NCOR2: variants seen among roughly 807,000 people sequenced by gnomAD.
NCOR2 encodes the protein CTG repeat protein 26.
NCOR2 carries 81 observed loss-of-function variants against 262.9 expected under a neutral mutation model. The observed-to-expected ratio is 0.31, with a 90% CI of 0.26 to 0.37. The LOEUF (loss-of-function observed/expected upper bound fraction) is 0.37. NCOR2 is among the 10% of genes least tolerant of loss of function. The pLI is 1.00. For missense variants in NCOR2, 3,385 were observed against 3,621.4 expected, an observed-to-expected ratio of 0.93 and a Z score of 1.68; for synonymous variants, 1,659 against 1,559.3, an observed-to-expected ratio of 1.06 and a Z score of -1.51.
At chr12:124,332,153 G>T in intron 43 of NCOR2, 166 bp downstream of exon 45, 2 of 784,074 alleles carry the variant, frequency 2.6e-6, no homozygotes, top group East Asian at 2.7e-5. Flanking sequence ...CTGCCCTGGG[G>T]CTCCCCAAAT....
chr12:124,449,034 C>A (rs537233825), intron 7 of NCOR2, among the ~76,000 whole-genome samples: 1 of 152,332 alleles, frequency 6.6e-6, no homozygotes, highest in African/African-American at 2.4e-5. Flanking sequence ...GCCCCTTTTA[C>A]CTTTTGGGTT....
intron 17 of NCOR2, among the ~76,000 whole-genome samples, chr12:124,380,560 G>C (rs1416881230): frequency 2.0e-5 from 3 of 152,228 alleles, no homozygotes; most frequent in African/African-American, 7.2e-5. Context: ...GGCGGCCTGA[G>C]AAAGTGGTGG....
intron 41 of NCOR2, among the ~76,000 whole-genome samples, chr12:124,334,028 G>GT (rs1593094229): frequency 1.3e-5 from 2 of 150,458 alleles, no homozygotes; most frequent in Admixed American, 6.6e-5. Context: ...GTGCATGTGT[G>GT]GAAAGGCTGC....
chr12:124,378,647 A>T lies in NCOR2; in HGVS notation c.2020-263T>A, dbSNP rs1262655401. Among the ~76,000 whole-genome samples the T allele has an allele frequency of 1.3e-5, 2 of 152,154 alleles. No homozygotes were observed. The highest frequency in any genetic ancestry group is 4.8e-5 in the African/African-American group (2 of 41,432). ...AGCCACCCTGACATCCTTCCTGAGC[A>T]CGAGAGAACCTGCCTGACATTGCCC... is the stretch of plus-strand genomic sequence containing the variant. On this transcript the variant is annotated intron_variant, in intron 17 of 46. Coordinates refer to ENST00000405201, the Ensembl canonical transcript of NCOR2. This position sits in a 1 kb window ranked among gnomAD's most constrained non-coding sequence, Gnocchi z 4.2.
chr12:124,439,239 A>T (rs2044644384), intron 7 of NCOR2, among the ~76,000 whole-genome samples: 1 of 89,562 alleles, frequency 1.1e-5, no homozygotes, highest in Non-Finnish European at 2.5e-5. Flanking sequence ...ACAGAGGGAG[A>T]CAGAGACCCA....
chr12:124,544,018 CAG>C (rs2051463354), intron 1 of NCOR2, among the ~76,000 whole-genome samples: 1 of 152,202 alleles, frequency 6.6e-6, no homozygotes, highest in African/African-American at 2.4e-5. Flanking sequence ...AAAGCCCTCC[CAG>C]AGAGTTCCCA....
At chr12:124,414,058 T>C (rs1189413948) in intron 13 of NCOR2, among the ~76,000 whole-genome samples, 1 of 151,982 alleles carries the variant, frequency 6.6e-6, no homozygotes, top group Non-Finnish European at 1.5e-5. Context: ...TGAGCCCCTC[T>C]GCCGCCTGCC....
In NCOR2 at chr12:124,504,062, G is replaced by A. The variant is rs1250727727; in HGVS notation, c.-117-8694C>T. 1.3e-5 allele frequency among the ~76,000 whole-genome samples: 2 copies of A among 152,170 alleles called. No homozygotes were observed. The highest frequency in any genetic ancestry group is 2.1e-4 in the South Asian group (1 of 4,830). On this transcript the variant is annotated intron_variant, in intron 1 of 46. Coordinates refer to the NCOR2 transcript ENST00000404621. This position sits in a 1 kb window ranked among gnomAD's most constrained non-coding sequence, Gnocchi z 4.5. ...CTCCAGTCCCAAACCCAGACTCAGCGTGGGAGGGTCTCAACTCTCCCGAGT... is the reference window on the plus strand; with the variant it reads ...CTCCAGTCCCAAACCCAGACTCAGCATGGGAGGGTCTCAACTCTCCCGAGT...
intron 1 of NCOR2, among the ~76,000 whole-genome samples, chr12:124,516,397 G>A (rs894580207): frequency 9.2e-5 from 14 of 152,194 alleles, no homozygotes; most frequent in African/African-American, 3.4e-4. Flanking sequence ...GGAGACCTGG[G>A]GATCCCAAAC....
chr12:124,383,459 A>T, intron 17 of NCOR2: 1 of 871,222 alleles, frequency 1.1e-6, no homozygotes. Context: ...GGGTGCCTTA[A>T]GCATGGCCCG....
chr12:124,331,107 G>A (rs1210197470), intron 43 of NCOR2, among the ~76,000 whole-genome samples: 1 of 149,264 alleles, frequency 6.7e-6, no homozygotes, highest in Non-Finnish European at 1.5e-5. Flanking sequence ...CTGTTGCCCA[G>A]GCTGGAGTGC....
At chr12:124,522,339 C>T (rs1476514414) in intron 1 of NCOR2, among the ~76,000 whole-genome samples, 1 of 152,212 alleles carries the variant, frequency 6.6e-6, no homozygotes, top group Non-Finnish European at 1.5e-5. Context: ...CTGAAACCAG[C>T]GACCTATCCT....
Position 124,380,677 on chromosome 12 carries a change from G to A in NCOR2, c.2020-2293C>T, listed in dbSNP as rs552793104. Reference sequence around the variant, plus strand: ...CAGGGCTGGGTGCCCTGAGCTGCCCGGGCGGTGGCTGGGACATGGGAGATG... The same window carrying A: ...CAGGGCTGGGTGCCCTGAGCTGCCCAGGCGGTGGCTGGGACATGGGAGATG... On this transcript the variant is annotated intron_variant, in intron 17 of 46. Transcript: ENST00000405201. 3.9e-5 allele frequency among the ~76,000 whole-genome samples: 6 copies of A among 152,246 alleles called. No individual in the cohort carries two copies. In the South Asian group the frequency reaches 8.3e-4, roughly 21 times the overall value.
At chr12:124,352,090 T>C (rs920134702) in intron 27 of NCOR2, among the ~76,000 whole-genome samples, 9 of 152,226 alleles carry the variant, frequency 5.9e-5, no homozygotes, top group Admixed American at 4.6e-4. Context: ...CTCCCTGCTG[T>C]GCTTTAAGAC....
intron 4 of NCOR2, among the ~76,000 whole-genome samples, chr12:124,468,261 A>C (rs1438850439): frequency 1.8e-5 from 1 of 55,540 alleles, no homozygotes; most frequent in Non-Finnish European, 3.4e-5. Flanking sequence ...CATCCTCATC[A>C]CCCCCATCAT....
At chr12:124,493,068 G>C (rs2048179070) in intron 1 of NCOR2, among the ~76,000 whole-genome samples, 1 of 152,248 alleles carries the variant, frequency 6.6e-6, no homozygotes, top group Non-Finnish European at 1.5e-5. Flanking sequence ...TGCCTGGAGG[G>C]GGCGGTGAGC....
rs376669119 is a variant in NCOR2, at chr12:124,402,458, G to T, written c.1586C>A (p.Ala529Glu). ...CTCCGGCTTCTCCTCCTCCTTCTCC[G>T]CCTCCTTTTCCTTCTCCTTCTCATC... The change falls in exon 14 of 47, where the codon GCG becomes GAG. Residue 529 changes from alanine to glutamate, a missense_variant. Ala to Glu is a moderately radical substitution (Grantham distance 107, BLOSUM62 -1). Coordinates refer to ENST00000405201, the Ensembl canonical transcript of NCOR2. 4 of 1,612,664 alleles carry T rather than the reference G, an allele frequency of 2.5e-6. No individual in the cohort carries two copies. The highest frequency in any genetic ancestry group is 3.4e-6 in the Non-Finnish European group (4 of 1,179,052).
intron 1 of NCOR2, among the ~76,000 whole-genome samples, chr12:124,500,274 G>A (rs2048627714): frequency 6.6e-6 from 1 of 152,164 alleles, no homozygotes; most frequent in Non-Finnish European, 1.5e-5. Context: ...GAGGGCTGCA[G>A]ATCCCACGCA....
intron 18 of NCOR2, among the ~76,000 whole-genome samples, chr12:124,374,905 C>A (rs541361766): frequency 6.6e-6 from 1 of 152,324 alleles, no homozygotes; most frequent in African/African-American, 2.4e-5. Context: ...TTCATTGCCC[C>A]CCCACCAACC....
Sources: gnomAD v4.1 joint callset for allele counts (sites outside exome capture counted in the v4.1 genomes callset) on GRCh38, gnomAD v4.1.1 for gene constraint, Gnocchi (gnomAD v3.1) non-coding constraint, MANE v1.5 for transcripts, NCBI Gene and HGNC (gene_info 2026-07-23, HGNC 2026-07-21) for gene names.